The following ADAMTS18 variants were observed in gnomAD, a reference collection of about 807,000 sequenced individuals.
ADAMTS18 encodes A disintegrin and metalloproteinase with thrombospondin motifs 18.
A neutral mutation model predicts 165.9 loss-of-function variants in ADAMTS18; 157 were observed. That is an observed-to-expected ratio of 0.95 (90% confidence interval 0.83 to 1.08). The LOEUF (loss-of-function observed/expected upper bound fraction) is 1.08. Among genes scored for constraint, ADAMTS18 ranks in the 50% least tolerant of loss-of-function variants. The pLI is 0.00. For missense variants in ADAMTS18, 2,040 were observed against 1,534.0 expected (o/e 1.33, Z -5.51); for synonymous variants, 782 against 578.2 (o/e 1.35, Z -5.06).
Position 77,293,238 on chromosome 16 carries a change from T to A in ADAMTS18, c.3027A>T (p.Arg1009=). ...PWSQCSKTCG[R]GVRKRELLCK... ...AGAGGAGTTCACGCTTCCTCACCCC[T>A]CGTCCACAGGTCTTGGAACACTTGA... Residue 1009 remains arginine (R), a synonymous_variant, in exon 20 of 23, where the codon CGA becomes CGT. Coordinates refer to ENST00000282849, the MANE Select transcript of ADAMTS18 (RefSeq NM_199355.4). The A allele has an allele frequency of 6.2e-7, 1 of 1,613,700 alleles. No homozygotes were observed. The highest frequency in any genetic ancestry group is 1.3e-5 in the African/African-American group (1 of 74,878).
intron 21 of ADAMTS18, chr16:77,290,827 C>G (rs2055347743): frequency 4.1e-6 from 1 of 241,532 alleles, no homozygotes; most frequent in African/African-American, 2.2e-5. Context: ...AATAGGAGTA[C>G]TTAGCACCGT....
Position 77,284,073 on chromosome 16 carries a change from TAAAATAAG to T in ADAMTS18, c.3551-10_3551-3del, listed in dbSNP as rs776642662. 6.3e-7 allele frequency: 1 copy of T among 1,595,312 alleles called. No individual in the cohort carries two copies. Among genetic ancestry groups the T allele is most frequent in the African/African-American group, 1.3e-5 (1 of 74,600 alleles). On this transcript the variant is annotated splice_polypyrimidine_tract_variant and splice_region_variant and intron_variant, in intron 22 of 22. Transcript: ENST00000282849. ...AGAAATCTACGCAGGATGGATCCTC[TAAAATAAG>T]AAAATATATTTAGCATGTTGGCTAG...
intron 5 of ADAMTS18, 31 bp from the exon 6 acceptor site, chr16:77,363,916 T>C: frequency 6.2e-7 from 1 of 1,603,058 alleles, no homozygotes; most frequent in South Asian, 1.1e-5. Flanking sequence ...AAACAAAATC[T>C]CAAAATTTTC....
intron 3 of ADAMTS18, among the ~76,000 whole-genome samples, chr16:77,418,330 A>C (rs10781986): frequency 6.6e-6 from 1 of 152,020 alleles, no homozygotes. Context: ...GTCGTAAAGA[A>C]TAGAGTTTGT....
intron 16 of ADAMTS18, among the ~76,000 whole-genome samples, chr16:77,302,887 T>A (rs2055611636): frequency 6.6e-6 from 1 of 151,818 alleles, no homozygotes; most frequent in Admixed American, 6.6e-5. Context: ...GAAAAAAAAA[T>A]GTGTTTAAGA....
rs1289159490 is a variant in ADAMTS18, at chr16:77,289,380, G to A, written c.3434C>T (p.Thr1145Ile). Residue 1145 changes from threonine (T) to isoleucine (I), a missense_variant, in exon 22 of 23, where the codon ACC becomes ATC. Coordinates refer to ENST00000282849, the MANE Select transcript of ADAMTS18 (RefSeq NM_199355.4). ...TTGCTGAACACAGTGGACTGACCGG[G>A]TCTGGACCCCTCCCCCACAGGTGAC... ...CTVTCGGGVQ[T>I]RSVHCVQQGR... 6.2e-7 allele frequency: 1 copy of A among 1,614,118 alleles called. No homozygotes were observed. The highest frequency in any genetic ancestry group is 8.5e-7 in the Non-Finnish European group (1 of 1,180,006).
chr16:77,294,664 G>C (rs931539661), intron 19 of ADAMTS18, among the ~76,000 whole-genome samples: 1 of 152,176 alleles, frequency 6.6e-6, no homozygotes, highest in African/African-American at 2.4e-5. Context: ...CTTTCTAGCT[G>C]TGCTCACGAG....
Position 77,367,643 on chromosome 16 carries a change from G to A in ADAMTS18, c.576C>T (p.Ser192=), listed in dbSNP as rs771730963. 6.8e-6 allele frequency: 11 copies of A among 1,614,060 alleles called. No homozygotes were observed. In the East Asian group the frequency reaches 1.1e-4, roughly 16 times the overall value. The change falls in exon 4 of 23, where the codon AGC becomes AGT. Residue 192 remains serine, a synonymous_variant. Coordinates refer to ENST00000282849, the MANE Select transcript of ADAMTS18 (RefSeq NM_199355.4). ...CGTGAGGATGGTGACCCGCAGGGGA[G>A]CTGTAGTTGTGTTCCTGGGCCAGAA... ...PQLLAQEHNY[S]SPAGHHPHVL... is the part of the protein sequence containing the mutation.
chr16:77,289,694 C>T (rs2055325894), intron 21 of ADAMTS18, among the ~76,000 whole-genome samples: 2 of 152,216 alleles, frequency 1.3e-5, no homozygotes, highest in South Asian at 2.1e-4. Flanking sequence ...TCCAGAAATA[C>T]AGAAGCTGCT....
chr16:77,325,838 T>C, intron 13 of ADAMTS18, 28 bp downstream of exon 13: 2 of 1,593,594 alleles, frequency 1.3e-6, no homozygotes, highest in Non-Finnish European at 1.7e-6. Flanking sequence ...CATAGAGACT[T>C]ATTTGAATGT....
chr16:77,325,813 T>C (rs1597124917), intron 13 of ADAMTS18, 53 bp downstream of exon 13: 4 of 1,549,140 alleles, frequency 2.6e-6, no homozygotes, highest in East Asian at 4.5e-5. Context: ...TATTGGTCAA[T>C]CACATTATTA....
intron 3 of ADAMTS18, among the ~76,000 whole-genome samples, chr16:77,418,290 C>G (rs1467262881): frequency 6.6e-6 from 1 of 152,052 alleles, no homozygotes; most frequent in African/African-American, 2.4e-5. Context: ...GCAGGTTACT[C>G]TGAAAAAAAT....
intron 12 of ADAMTS18, among the ~76,000 whole-genome samples, chr16:77,330,137 T>C (rs1032992098): frequency 6.6e-6 from 1 of 152,300 alleles, no homozygotes; most frequent in South Asian, 2.1e-4. Flanking sequence ...AGCCGTGATA[T>C]TACTGGTGGG....
In ADAMTS18 at chr16:77,327,446, C is replaced by G. The variant is rs192583442; in HGVS notation, c.1860-1408G>C. On this transcript the variant is annotated intron_variant, in intron 12 of 22. Coordinates refer to ENST00000282849, the MANE Select transcript of ADAMTS18 (RefSeq NM_199355.4). ...AACATACAATGTTTGGTTTTCCATTCCTGAGTTTATGGCAGCACAATTTGC... is the reference window on the plus strand; with the variant it reads ...AACATACAATGTTTGGTTTTCCATTGCTGAGTTTATGGCAGCACAATTTGC... Among the ~76,000 whole-genome samples, 40 of 152,280 alleles carry G rather than the reference C, an allele frequency of 2.6e-4. No individual in the cohort carries two copies. In the East Asian group the frequency reaches 7.3e-3, roughly 28 times the overall value.
intron 17 of ADAMTS18, among the ~76,000 whole-genome samples, chr16:77,298,525 C>G (rs1469626385): frequency 1.3e-5 from 2 of 152,118 alleles, no homozygotes; most frequent in Non-Finnish European, 2.9e-5. Flanking sequence ...GGCACGATGG[C>G]TCACACTGAT....
intron 12 of ADAMTS18, among the ~76,000 whole-genome samples, chr16:77,326,665 G>A (rs183869762): frequency 6.6e-6 from 1 of 152,280 alleles, no homozygotes; most frequent in East Asian, 1.9e-4. Flanking sequence ...TTACAGGTGT[G>A]AACCAATGCA....
intron 3 of ADAMTS18, among the ~76,000 whole-genome samples, chr16:77,381,666 G>A (rs1293256154): frequency 6.6e-6 from 1 of 152,134 alleles, no homozygotes; most frequent in Non-Finnish European, 1.5e-5. Flanking sequence ...GCCAGCTGTA[G>A]TGACGCACGC....
chr16:77,318,594 A>T (rs963714), intron 16 of ADAMTS18, among the ~76,000 whole-genome samples: 75,959 of 151,906 alleles, frequency 0.5, 19,741 homozygotes, highest in African/African-American at 0.55. Flanking sequence ...CATGATAACA[A>T]CGATAATAAT....
At chr16:77,430,001 G>C (rs76771545) in intron 3 of ADAMTS18, among the ~76,000 whole-genome samples, 1 of 152,164 alleles carries the variant, frequency 6.6e-6, no homozygotes, top group Non-Finnish European at 1.5e-5. Flanking sequence ...AACCTGGGCA[G>C]ACTGCTTTCA....
Sources: gnomAD v4.1 joint callset for allele counts (sites outside exome capture counted in the v4.1 genomes callset) on GRCh38, gnomAD v4.1.1 for gene constraint, MANE v1.5 for transcripts, NCBI Gene and HGNC (gene_info 2026-07-23, HGNC 2026-07-21) for gene names.